The following DLGAP2 variants were observed in gnomAD, a reference collection of about 807,000 sequenced individuals.
DLGAP2 encodes the protein disks large-associated protein 2.
Under a neutral mutation model 100.3 loss-of-function variants are expected in DLGAP2, and 26 were observed. The ratio of observed to expected loss-of-function variants is 0.26; its 90% confidence interval spans 0.19 to 0.36. DLGAP2 has a LOEUF of 0.36. Among genes scored for constraint, DLGAP2 ranks in the 10% least tolerant of loss-of-function variants. The pLI is 1.00. For missense variants in DLGAP2, 1,858 were observed against 1,453.2 expected (o/e 1.28, Z -4.53); for synonymous variants, 886 against 630.1 (o/e 1.41, Z -6.08).
chr8:1,000,119 C>T (rs556538915), intron 2 of DLGAP2, among the ~76,000 whole-genome samples: 1 of 147,402 alleles, frequency 6.8e-6, no homozygotes, highest in Non-Finnish European at 1.5e-5. Context: ...CTAGAGCAGA[C>T]AGATCCGGGT....
At chr8:1,131,775 A>G (rs1796300913) in intron 2 of DLGAP2, among the ~76,000 whole-genome samples, 1 of 152,170 alleles carries the variant, frequency 6.6e-6, no homozygotes, top group Non-Finnish European at 1.5e-5. Context: ...CTAGCTTGTG[A>G]AGGGGTTTTA....
At chr8:852,918 T>C (rs1384537964) in intron 1 of DLGAP2, among the ~76,000 whole-genome samples, 1 of 152,254 alleles carries the variant, frequency 6.6e-6, no homozygotes, top group Non-Finnish European at 1.5e-5. Flanking sequence ...CAACAGATTT[T>C]GGTAAAACTG....
At chr8:1,373,112 G>C (rs888124571) in intron 3 of DLGAP2, among the ~76,000 whole-genome samples, 2 of 152,176 alleles carry the variant, frequency 1.3e-5, no homozygotes, top group Non-Finnish European at 1.5e-5. Context: ...TCCGTGCCTG[G>C]GGGGGCGCCA....
At chr8:897,604 G>A (rs758547415) in intron 1 of DLGAP2, among the ~76,000 whole-genome samples, 7 of 152,170 alleles carry the variant, frequency 4.6e-5, no homozygotes, top group Non-Finnish European at 8.8e-5. Flanking sequence ...GAAGGGCTGC[G>A]TCTCACTCCC....
At chr8:1,483,110 G>A (rs1163914765) in intron 3 of DLGAP2, among the ~76,000 whole-genome samples, 2 of 152,168 alleles carry the variant, frequency 1.3e-5, no homozygotes, top group African/African-American at 2.4e-5. Flanking sequence ...GATAAACCAC[G>A]CTCGGTGCCG....
intron 2 of DLGAP2, among the ~76,000 whole-genome samples, chr8:1,008,138 T>A (rs563206746): frequency 6.6e-6 from 1 of 152,348 alleles, no homozygotes; most frequent in African/African-American, 2.4e-5. Flanking sequence ...ACCTTCCCAT[T>A]TGGACATAAT....
At chr8:1,049,089 G>T (rs1364805837) in intron 2 of DLGAP2, among the ~76,000 whole-genome samples, 1 of 152,184 alleles carries the variant, frequency 6.6e-6, no homozygotes, top group Non-Finnish European at 1.5e-5. Context: ...CTGCATTCCT[G>T]CAAAATACAT....
chr8:1,221,774 C>G (rs1300421597), intron 2 of DLGAP2, among the ~76,000 whole-genome samples: 6 of 152,156 alleles, frequency 3.9e-5, no homozygotes, highest in Non-Finnish European at 8.8e-5. Context: ...TCACATATTT[C>G]TCAGAGGTTT....
At chr8:1,442,331 G>A (rs1181641642) in intron 3 of DLGAP2, among the ~76,000 whole-genome samples, 2 of 149,802 alleles carry the variant, frequency 1.3e-5, no homozygotes, top group Non-Finnish European at 3.0e-5. Flanking sequence ...TCAGCCACTG[G>A]GGGAGATGGA....
At chr8:1,292,153 C>A (rs1018317484) in intron 3 of DLGAP2, among the ~76,000 whole-genome samples, 2 of 152,208 alleles carry the variant, frequency 1.3e-5, no homozygotes, top group Non-Finnish European at 2.9e-5. Flanking sequence ...CCTCCAGAAT[C>A]GCTGGCTTTG....
chr8:1,112,328 C>T (rs575010618), intron 2 of DLGAP2, among the ~76,000 whole-genome samples: 13 of 149,250 alleles, frequency 8.7e-5, no homozygotes. Context: ...GCAAGCTCCG[C>T]CTCCCCGGTT....
chr8:1,508,710 G>A (rs1459707033), intron 4 of DLGAP2, among the ~76,000 whole-genome samples: 13 of 150,532 alleles, frequency 8.6e-5, no homozygotes, highest in Non-Finnish European at 1.5e-4. Flanking sequence ...CACAACTGCT[G>A]CGCACAGGAG....
intron 5 of DLGAP2, among the ~76,000 whole-genome samples, chr8:1,563,394 C>T (rs1482959971): frequency 8.6e-5 from 4 of 46,528 alleles, no homozygotes; most frequent in Non-Finnish European, 1.2e-4. Context: ...GGGGTGTCCG[C>T]GCCTCGTTAC....
chr8:1,254,263 G>A (rs999628156), intron 2 of DLGAP2, among the ~76,000 whole-genome samples: 7 of 152,158 alleles, frequency 4.6e-5, no homozygotes, highest in East Asian at 3.9e-4. Flanking sequence ...GGGGAACCCC[G>A]GGCACATCCA....
intron 3 of DLGAP2, chr8:1,259,730 G>C (rs538187522): frequency 6.6e-6 from 1 of 152,180 alleles, no homozygotes; most frequent in East Asian, 1.9e-4. Context: ...AAAGGCTTCT[G>C]TATACTCAGG....
chr8:1,469,315 C>G (rs1008923723), intron 3 of DLGAP2, among the ~76,000 whole-genome samples: 3 of 152,242 alleles, frequency 2.0e-5, no homozygotes, highest in Non-Finnish European at 4.4e-5. Context: ...CTCTGAGCTG[C>G]TCCCTGCCCA....
chr8:878,070 CTA>C (rs1256593181), intron 1 of DLGAP2, among the ~76,000 whole-genome samples: 1 of 152,158 alleles, frequency 6.6e-6, no homozygotes, highest in African/African-American at 2.4e-5. Flanking sequence ...TTGTTGTTGT[CTA>C]TAATTTTCAA....
intron 3 of DLGAP2, among the ~76,000 whole-genome samples, chr8:1,439,229 C>T (rs1032362161): frequency 6.6e-6 from 1 of 152,168 alleles, no homozygotes; most frequent in Middle Eastern, 3.2e-3. Context: ...AGCATGGTCA[C>T]CGGCGCCAGG....
At chr8:1,686,297 A>C (rs948224593) in intron 12 of DLGAP2, among the ~76,000 whole-genome samples, 7 of 152,232 alleles carry the variant, frequency 4.6e-5, no homozygotes, top group African/African-American at 1.2e-4. Flanking sequence ...TTGGAGCAAC[A>C]TGGATGGAAT....
Sources: allele counts gnomAD v4.1 joint callset (sites outside exome capture counted in the v4.1 genomes callset), GRCh38; gene constraint gnomAD v4.1.1; transcripts MANE v1.5; gene names NCBI Gene and HGNC (gene_info 2026-07-23, HGNC 2026-07-21).